Variants in RHOT1 observed in about 807,000 individuals in gnomAD.
RHOT1 encodes the protein ras homolog family member T1, also known as mitochondrial Rho GTPase 1.
RHOT1 carries 27 observed loss-of-function variants against 95.3 expected under a neutral mutation model. The observed-to-expected ratio is 0.28, with a 90% CI of 0.21 to 0.39. The LOEUF is 0.39. Ranked by LOEUF, RHOT1 falls within the 10% of genes least tolerant of loss-of-function variation. The probability of loss-of-function intolerance (pLI) is 1.00; values close to 1 mark genes in which losing one functional copy is unlikely to be tolerated. For synonymous variants in RHOT1, 227 were observed against 263.5 expected, an observed-to-expected ratio of 0.86 and a Z score of 1.34; for missense variants, 578 against 786.7, an observed-to-expected ratio of 0.73 and a Z score of 3.17.
chr17:32,219,385 C>T (rs1292678943), intron 19 of RHOT1, among the ~76,000 whole-genome samples: 2 of 152,104 alleles, frequency 1.3e-5, no homozygotes, highest in Non-Finnish European at 2.9e-5. Flanking sequence ...ACTTCAGCCC[C>T]CCAAAGATCT....
At chr17:32,168,952 G>C (rs1258274353) in intron 1 of RHOT1, among the ~76,000 whole-genome samples, 1 of 152,184 alleles carries the variant, frequency 6.6e-6, no homozygotes, top group Non-Finnish European at 1.5e-5. Flanking sequence ...GACATCATCA[G>C]AACTCAGTGA....
Position 32,192,275 on chromosome 17 carries a change from T to C in RHOT1, c.615T>C (p.Asn205=), listed in dbSNP as rs1378440750. The change falls in exon 9 of 20, where the codon AAT becomes AAC. Residue 205 remains asparagine, a synonymous_variant. Coordinates refer to ENST00000545287, the MANE Select transcript of RHOT1 (RefSeq NM_001033566.3). The part of the protein sequence containing the change: ...ISDQDNDGTL[N]DAELNFFQRI... ...ATCAAGATAATGATGGTACTCTCAA[T>C]GATGCTGAACTCAACTTCTTTCAGG... The C allele has an allele frequency of 2.5e-6, 4 of 1,581,052 alleles. No individual in the cohort carries two copies. In the East Asian group the frequency reaches 9.0e-5, roughly 36 times the overall value.
chr17:32,217,359 TAATA>T, intron 19 of RHOT1, among the ~76,000 whole-genome samples: 1 of 152,252 alleles, frequency 6.6e-6, no homozygotes, highest in East Asian at 1.9e-4. Flanking sequence ...ATGTTTATCC[TAATA>T]AATATCCTAT....
At chr17:32,185,148 T>C (rs1598387744) in intron 8 of RHOT1, among the ~76,000 whole-genome samples, 1 of 152,188 alleles carries the variant, frequency 6.6e-6, no homozygotes, top group East Asian at 1.9e-4. Context: ...TTCGCTCTTG[T>C]TGCCCAGGCT....
In RHOT1 at chr17:32,182,727, C is replaced by T. The variant is rs768766275; in HGVS notation, c.330-30C>T. 7.2e-6 allele frequency: 9 copies of T among 1,251,946 alleles called. No homozygotes were observed. The South Asian group carries it at 1.2e-4, about 17-fold the overall frequency. The allele number at this position is 1,251,946 out of a possible 1,614,324, so 77.6% of individuals were successfully genotyped here. Reference sequence around the variant, plus strand: ...ATATAAATTTAATGTCTTTTGCCTTCCTTATTACAATGTGCCCTGTTTATT... The same window carrying T: ...ATATAAATTTAATGTCTTTTGCCTTTCTTATTACAATGTGCCCTGTTTATT... On this transcript the variant is annotated intron_variant, in intron 6 of 19. Coordinates refer to ENST00000545287, the MANE Select transcript of RHOT1 (RefSeq NM_001033566.3).
chr17:32,170,994 T>C, intron 1 of RHOT1, 49 bp from the exon 2 acceptor site: 1 of 1,369,826 alleles, frequency 7.3e-7, no homozygotes, highest in Non-Finnish European at 1.0e-6. Context: ...AAATTTGAGC[T>C]TATGTAGAAC....
At chr17:32,154,978 AGAGGCT>A (rs1260354487) in intron 1 of RHOT1, among the ~76,000 whole-genome samples, 1 of 150,860 alleles carries the variant, frequency 6.6e-6, no homozygotes, top group Admixed American at 6.6e-5. Flanking sequence ...CACCTACTTG[AGAGGCT>A]GAGGCAGGAG....
intron 10 of RHOT1, among the ~76,000 whole-genome samples, chr17:32,193,777 G>A (rs1348536692): frequency 6.6e-6 from 1 of 152,170 alleles, no homozygotes; most frequent in African/African-American, 2.4e-5. Flanking sequence ...ATTTCCTCTA[G>A]TGCTCTCTCT....
Position 32,180,873 on chromosome 17 carries a change from C to T in RHOT1, c.330-1884C>T, listed in dbSNP as rs529031586. 5.9e-5 allele frequency among the ~76,000 whole-genome samples: 9 copies of T among 152,270 alleles called. 1 individual carries two copies. The South Asian group carries it at 1.9e-3, about 32-fold the overall frequency. On this transcript the variant is annotated intron_variant, in intron 6 of 19. Coordinates refer to ENST00000545287, the MANE Select transcript of RHOT1 (RefSeq NM_001033566.3). Reference sequence around the variant, plus strand: ...AATTTTTAAAAAACTTTTGTAGAAACAGGGTCTCACTATGTTATCCAGGAT... The same window carrying T: ...AATTTTTAAAAAACTTTTGTAGAAATAGGGTCTCACTATGTTATCCAGGAT...
chr17:32,142,809 C>A, intron 1 of RHOT1, 80 bp downstream of exon 1: 1 of 1,235,330 alleles, frequency 8.1e-7, no homozygotes, highest in Non-Finnish European at 1.1e-6. Context: ...GTCGCCCCTG[C>A]AGCCCCAACC....
chr17:32,155,479 T>TTTTC (rs947373123), intron 1 of RHOT1, among the ~76,000 whole-genome samples: 9 of 151,438 alleles, frequency 5.9e-5, no homozygotes, highest in South Asian at 4.2e-4. Flanking sequence ...TTTCTTTTCT[T>TTTTC]TTTCTTTCTT....
At chr17:32,165,620 T>C (rs930668633) in intron 1 of RHOT1, among the ~76,000 whole-genome samples, 3 of 152,206 alleles carry the variant, frequency 2.0e-5, no homozygotes, top group African/African-American at 7.2e-5. Context: ...CCAGTGGTTT[T>C]TTCTATGCAC....
chr17:32,192,676 T>G lies in RHOT1; in HGVS notation c.639+377T>G, dbSNP rs111882598. 1.2e-3 allele frequency among the ~76,000 whole-genome samples: 177 copies of G among 149,554 alleles called. 1 individual carries two copies. Among genetic ancestry groups the G allele is most frequent in the African/African-American group, 4.2e-3 (171 of 40,826 alleles). The stretch of plus-strand genomic sequence containing the variant: ...ATGACATGTTTTACTTTTTTTTTTT[T>G]TTTTTTTGTTTTTGAGATAGAGTCT... On this transcript the variant is annotated intron_variant, in intron 9 of 19. Coordinates refer to ENST00000545287, the MANE Select transcript of RHOT1 (RefSeq NM_001033566.3).
At chr17:32,144,313 C>G (rs893878041) in intron 1 of RHOT1, among the ~76,000 whole-genome samples, 4 of 151,400 alleles carry the variant, frequency 2.6e-5, no homozygotes, top group African/African-American at 9.7e-5. Context: ...TTTGGGAGGC[C>G]AAGGCAGGCA....
intron 1 of RHOT1, among the ~76,000 whole-genome samples, chr17:32,164,033 T>C (rs749819218): frequency 6.6e-6 from 1 of 152,068 alleles, no homozygotes; most frequent in East Asian, 2.0e-4. Flanking sequence ...TGTGCACCTG[T>C]AGTCCCAGCT....
chr17:32,203,269 C>CTTCTTCTTTTTTTTTTTTT (rs1485362280), intron 15 of RHOT1, among the ~76,000 whole-genome samples: 2 of 72,328 alleles, frequency 2.8e-5, no homozygotes, highest in African/African-American at 1.2e-4. Flanking sequence ...TCTTCTTCTT[C>CTTCTTCTTTTTTTTTTTTT]TTTTTTTTTT....
intron 14 of RHOT1, among the ~76,000 whole-genome samples, 158 bp from the exon 15 acceptor site, chr17:32,202,602 TACTTCATTCA>T (rs529025346): frequency 4.3e-4 from 66 of 152,234 alleles, no homozygotes; most frequent in Non-Finnish European, 7.6e-4. Context: ...GCATTCTGTG[TACTTCATTCA>T]CATACAGCTT....
intron 8 of RHOT1, among the ~76,000 whole-genome samples, chr17:32,187,194 C>T (rs1054113420): frequency 6.6e-5 from 10 of 151,874 alleles, no homozygotes; most frequent in African/African-American, 1.5e-4. Context: ...GGCTGAGGCA[C>T]GAGAATCATT....
rs1347006419 is a variant in RHOT1 at position 32,209,347 on chromosome 17, C to T, written c.1739+1038C>T. 4 of 1,565,922 alleles carry T rather than the reference C, an allele frequency of 2.6e-6. No individual in the cohort carries two copies. The Admixed American group carries it at 6.8e-5, about 27-fold the overall frequency. The stretch of plus-strand genomic sequence containing the variant: ...TTAAAACTCTCATGTATGTTATCTA[C>T]AGAGAGGATCATTACAGAGACAGAC... On this transcript the variant is annotated intron_variant, in intron 18 of 19. Coordinates refer to ENST00000545287, the MANE Select transcript of RHOT1 (RefSeq NM_001033566.3).
Sources: allele counts gnomAD v4.1 joint callset (sites outside exome capture counted in the v4.1 genomes callset), GRCh38; gene constraint gnomAD v4.1.1; transcripts MANE v1.5; gene names NCBI Gene and HGNC (gene_info 2026-07-23, HGNC 2026-07-21).